Variants in TROAP observed in about 807,000 individuals in gnomAD.
The protein encoded by TROAP is tastin.
In TROAP, 62 loss-of-function variants were observed where a neutral mutation model predicts 83.4. The observed-to-expected ratio is 0.74, with a 90% confidence interval of 0.61 to 0.92. The LOEUF is 0.92. Among genes scored for constraint, TROAP ranks in the 40% least tolerant of loss-of-function variants. TROAP has a pLI of 0.00. For missense variants in TROAP, 876 were observed against 985.1 expected, an observed-to-expected ratio of 0.89 and a Z score of 1.48; for synonymous variants, 352 against 386.4, an observed-to-expected ratio of 0.91 and a Z score of 1.04.
chr12:49,326,691 G>T lies in TROAP; in HGVS notation c.740G>T (p.Gly247Val). The T allele has an allele frequency of 1.3e-6, 2 of 1,560,652 alleles. No individual in the cohort carries two copies. The highest frequency in any genetic ancestry group is 1.7e-6 in the Non-Finnish European group (2 of 1,150,966). ...SSRTSVSQAS[G>V]LLLETPVQPA... ...AGGACTTCAGTGAGCCAGGCCTCAG[G>T]ATTGCTCCTGGAGACCCCAGTCCAG... is the stretch of plus-strand genomic sequence containing the variant. Residue 247 changes from glycine to valine, a missense_variant, in exon 7 of 15, where the codon GGA becomes GTA. Physicochemically the swap from Gly to Val is moderately radical, Grantham distance 109. Coordinates refer to ENST00000257909, the MANE Select transcript of TROAP (RefSeq NM_005480.4).
chr12:49,328,334 C>T (rs1186208975), intron 8 of TROAP, among the ~76,000 whole-genome samples: 1 of 148,236 alleles, frequency 6.7e-6, no homozygotes, highest in Non-Finnish European at 1.5e-5. Flanking sequence ...AAGTGATTCT[C>T]CTGCCTCAGC....
At chr12:49,325,939 C>T in intron 5 of TROAP, 55 bp downstream of exon 5, 2 of 1,604,106 alleles carry the variant, frequency 1.2e-6, no homozygotes, top group Non-Finnish European at 1.7e-6. Context: ...CTTCCAGGGA[C>T]AAAGCTGGGC....
chr12:49,331,019 C>T (rs761534273), intron 13 of TROAP, 76 bp downstream of exon 13: 8 of 1,578,126 alleles, frequency 5.1e-6, no homozygotes, highest in Admixed American at 1.7e-5. Flanking sequence ...TGCCCTGCCC[C>T]TACCCCAGGC....
chr12:49,324,283 G>A (rs1209044759), intron 3 of TROAP: 1 of 1,445,638 alleles, frequency 6.9e-7, no homozygotes, highest in East Asian at 2.3e-5. Context: ...GAAGCAGGAG[G>A]ATCACTGGAG....
In TROAP at chr12:49,326,977, T is replaced by C. The variant is rs1341634066; in HGVS notation, c.770-232T>C. ...CAAGATTTATCTTCCACTCACTGTT[T>C]ATCCCCAGCCCCTAAGTGCCATCAC... On this transcript the variant is annotated intron_variant, in intron 7 of 14. Coordinates refer to ENST00000257909, the MANE Select transcript of TROAP (RefSeq NM_005480.4). 2.6e-5 allele frequency among the ~76,000 whole-genome samples: 4 copies of C among 152,206 alleles called. No individual in the cohort carries two copies. In the South Asian group the frequency reaches 8.3e-4, roughly 31 times the overall value.
intron 4 of TROAP, 35 bp downstream of exon 4, chr12:49,325,693 G>C (rs1357832087): frequency 6.2e-7 from 1 of 1,612,912 alleles, no homozygotes; most frequent in Non-Finnish European, 8.5e-7. Context: ...CCAGGCTAGG[G>C]GGCACTGAGG....
At chr12:49,327,051 A>G (rs1221782593) in intron 7 of TROAP, among the ~76,000 whole-genome samples, 158 bp from the exon 8 acceptor site, 1 of 152,134 alleles carries the variant, frequency 6.6e-6, no homozygotes, top group Non-Finnish European at 1.5e-5. Flanking sequence ...GTTTACTGAG[A>G]TAGTGTTGGG....
chr12:49,327,640 T>C (rs1157620196), intron 8 of TROAP, among the ~76,000 whole-genome samples: 2 of 152,192 alleles, frequency 1.3e-5, no homozygotes, highest in African/African-American at 4.8e-5. Context: ...AAATATTTAC[T>C]GAGTAGCACC....
At chr12:49,327,086 C>T (rs2137067941) in intron 7 of TROAP, 123 bp from the exon 8 acceptor site, 1 of 1,242,172 alleles carries the variant, frequency 8.1e-7, no homozygotes, top group Non-Finnish European at 1.1e-6. Flanking sequence ...TGGATGGGTT[C>T]CTGTCCCTAA....
chr12:49,323,484 G>A (rs1943433335), intron 1 of TROAP, 120 bp from the exon 2 acceptor site: 11 of 1,379,042 alleles, frequency 8.0e-6, no homozygotes, highest in South Asian at 4.0e-5. Context: ...TGCAGGCGCC[G>A]GGGGCTTGTG....
Position 49,330,010 on chromosome 12 carries a change from C to T in TROAP, c.1299+19C>T, listed in dbSNP as rs747601133. 3.2e-5 allele frequency: 51 copies of T among 1,613,430 alleles called. 2 individuals carry two copies. The South Asian group carries it at 5.4e-4, about 17-fold the overall frequency. ...GATTCAAGTGAGTCTGTGTGGCCAA[C>T]AGCTTTGATGTCTATTGAACAGTGA... On this transcript the variant is annotated intron_variant, in intron 12 of 14. Coordinates refer to ENST00000257909, the MANE Select transcript of TROAP (RefSeq NM_005480.4).
rs749778502 is a variant in TROAP, at chr12:49,329,999, T to C, written c.1299+8T>C. 15 of 1,613,706 alleles carry C rather than the reference T, an allele frequency of 9.3e-6. No individual in the cohort carries two copies. The Admixed American group carries it at 2.5e-4, about 27-fold the overall frequency. On this transcript the variant is annotated splice_region_variant and intron_variant, in intron 12 of 14. Coordinates refer to ENST00000257909, the MANE Select transcript of TROAP (RefSeq NM_005480.4). This position sits in a 1 kb window ranked among gnomAD's most constrained non-coding sequence, Gnocchi z 4.5. ...CAGGAGGTGAAGATTCAAGTGAGTC[T>C]GTGTGGCCAACAGCTTTGATGTCTA... is the stretch of plus-strand genomic sequence containing the variant.
Position 49,324,160 on chromosome 12 carries a change from G to T in TROAP, c.337+123G>T, listed in dbSNP as rs748945594. The stretch of plus-strand genomic sequence containing the variant: ...TCTCCTACTTACTGTGATAGTCCTG[G>T]TCCCAGCTCCTGGAAAGCTCTTTGC... On this transcript the variant is annotated intron_variant, in intron 3 of 14. Coordinates refer to ENST00000257909, the MANE Select transcript of TROAP (RefSeq NM_005480.4). The T allele has an allele frequency of 8.7e-6, 14 of 1,614,070 alleles. No individual in the cohort carries two copies. In the South Asian group the frequency reaches 1.4e-4, roughly 16 times the overall value.
rs199576676 is a variant in TROAP at position 49,330,882 on chromosome 12, G to A, written c.2037G>A (p.Pro679=). The A allele has an allele frequency of 2.3e-5, 37 of 1,612,726 alleles. No individual in the cohort carries two copies. Among genetic ancestry groups the A allele is most frequent in the African/African-American group, 5.3e-5 (4 of 74,898 alleles). ...GCCTGATCTTCTCTTCCCAACACCCGCTTTGTGCCAGCCCCCCTATCTGCT... is the reference window on the plus strand; with the variant it reads ...GCCTGATCTTCTCTTCCCAACACCCACTTTGTGCCAGCCCCCCTATCTGCT... The part of the protein sequence containing the change: ...TTSLIFSSQH[P]LCASPPICSL... Residue 679 remains proline, a synonymous_variant, in exon 13 of 15, where the codon CCG becomes CCA. Transcript: ENST00000257909.
Position 49,330,682 on chromosome 12 carries a change from C to T in TROAP, c.1837C>T (p.Pro613Ser), listed in dbSNP as rs749318789. 5.0e-6 allele frequency: 8 copies of T among 1,614,136 alleles called. No individual in the cohort carries two copies. The East Asian group carries it at 1.8e-4, about 36-fold the overall frequency. ...SRQEQLEVPE[P>S]CPPAEPGPLQ... ...CCAGGAACAGCTTGAGGTACCTGAG[C>T]CCTGCCCTCCAGCAGAACCCGGGCC... The change falls in exon 13 of 15, where the codon CCC becomes TCC. Residue 613 changes from proline to serine, a missense_variant. Pro to Ser is a moderately conservative substitution (Grantham distance 74, BLOSUM62 -1). This residue lies in a region of TROAP where 184 missense variants were observed against 238.3 expected (regional missense o/e 0.77). Transcript: ENST00000257909.
rs1012839175 is a variant in TROAP, at chr12:49,329,340, G to A, written c.1105-55G>A. On this transcript the variant is annotated intron_variant, in intron 10 of 14. Transcript: ENST00000257909. The surrounding 1 kb of genome is among the most constrained non-coding windows in gnomAD (Gnocchi z 4.5). Reference sequence around the variant, plus strand: ...GAGAGAGAAGACAGAAGCAAGGGGAGGCTGAGTGCCATCTGTGGGTGTCAG... The same window carrying A: ...GAGAGAGAAGACAGAAGCAAGGGGAAGCTGAGTGCCATCTGTGGGTGTCAG... 1.9e-6 allele frequency: 3 copies of A among 1,613,200 alleles called. No homozygotes were observed. The African/African-American group carries it at 4.0e-5, about 22-fold the overall frequency.
At chr12:49,326,526 TC>T (rs1943503668) in intron 6 of TROAP, 141 bp from the exon 7 acceptor site, 2 of 1,044,008 alleles carry the variant, frequency 1.9e-6, no homozygotes, top group African/African-American at 3.2e-5. Context: ...AGCTTTGGTT[TC>T]TTTGTCAAGT....
chr12:49,330,522 C>T lies in TROAP; in HGVS notation c.1677C>T (p.Cys559=). The part of the protein sequence containing the change: ...PPAEPRPLES[C]CRSEPEIPES... ...CAGAACCCAGGCCCCTAGAGTCCTG[C>T]TGTAGGAGTGAGCCTGAGATACCGG... The change falls in exon 13 of 15, where the codon TGC becomes TGT. Residue 559 remains cysteine (C), a synonymous_variant. Transcript: ENST00000257909. 1 of 1,613,610 alleles carries T rather than the reference C, an allele frequency of 6.2e-7. No individual in the cohort carries two copies. The highest frequency in any genetic ancestry group is 8.5e-7 in the Non-Finnish European group (1 of 1,179,718).
chr12:49,330,226 T>C lies in TROAP; in HGVS notation c.1381T>C (p.Ser461Pro), dbSNP rs1943557700. The change falls in exon 13 of 15, where the codon TCT becomes CCT. Residue 461 changes from serine to proline, a missense_variant. By Grantham distance (74) the Ser-to-Pro change is moderately conservative. This residue lies in a region of TROAP where 689 missense variants were observed against 722.6 expected (regional missense o/e 0.95). Transcript: ENST00000257909. Reference sequence around the variant, plus strand: ...CCAGTGTGTCCCTCTTAATGGAGGCTCTTCTCTGGATATGGTTGAACTTCA... The same window carrying C: ...CCAGTGTGTCCCTCTTAATGGAGGCCCTTCTCTGGATATGGTTGAACTTCA... ...GGQCVPLNGG[S>P]SLDMVELQPL... 3.7e-6 allele frequency: 6 copies of C among 1,614,126 alleles called. No individual in the cohort carries two copies. Among genetic ancestry groups the C allele is most frequent in the East Asian group, 4.5e-5 (2 of 44,882 alleles).
Sources: gnomAD v4.1 joint callset for allele counts (sites outside exome capture counted in the v4.1 genomes callset) on GRCh38, gnomAD v4.1.1 for gene constraint, gnomAD v4.1.1 regional missense constraint, Gnocchi (gnomAD v3.1) non-coding constraint, MANE v1.5 for transcripts, NCBI Gene and HGNC (gene_info 2026-07-23, HGNC 2026-07-21) for gene names.